The following MAGI2 variants were observed in gnomAD, a reference collection of about 807,000 sequenced individuals.
MAGI2 encodes the protein membrane associated guanylate kinase, WW and PDZ domain containing 2, also known as membrane-associated guanylate kinase, WW and PDZ domain-containing protein 2.
In MAGI2, 35 loss-of-function variants were observed where a neutral mutation model predicts 133.3. The observed-to-expected ratio is 0.26, with a 90% CI of 0.20 to 0.35. The LOEUF (loss-of-function observed/expected upper bound fraction) is 0.35. Ranked by LOEUF, MAGI2 falls within the 10% of genes least tolerant of loss-of-function variation. The probability of loss-of-function intolerance (pLI) is 1.00; values close to 1 mark genes in which losing one functional copy is unlikely to be tolerated. For missense variants in MAGI2, 1,636 were observed against 1,863.4 expected, an observed-to-expected ratio of 0.88 and a Z score of 2.25; for synonymous variants, 729 against 710.6, an observed-to-expected ratio of 1.03 and a Z score of -0.41.
At chr7:78,662,854 T>C (rs961986006) in intron 2 of MAGI2, among the ~76,000 whole-genome samples, 2 of 152,170 alleles carry the variant, frequency 1.3e-5, no homozygotes, top group Admixed American at 6.5e-5. Flanking sequence ...TCAATAAAGG[T>C]TTAATAATAA....
intron 9 of MAGI2, among the ~76,000 whole-genome samples, chr7:78,335,543 T>C (rs1789672673): frequency 6.6e-6 from 1 of 152,094 alleles, no homozygotes; most frequent in African/African-American, 2.4e-5. Flanking sequence ...AGCACCACAC[T>C]CTAGTAAAAT....
intron 20 of MAGI2, among the ~76,000 whole-genome samples, chr7:78,088,721 G>T (rs994197499): frequency 6.6e-6 from 1 of 152,136 alleles, no homozygotes; most frequent in African/African-American, 2.4e-5. Flanking sequence ...ACCAAGGCAG[G>T]AGCAAAGGGT....
chr7:79,239,049 G>C (rs1023579096), intron 1 of MAGI2, among the ~76,000 whole-genome samples: 1 of 152,064 alleles, frequency 6.6e-6, no homozygotes, highest in Admixed American at 6.5e-5. Flanking sequence ...TGTTCTAAGT[G>C]GGAGATACAA....
chr7:79,164,815 C>T (rs972449554), intron 1 of MAGI2, among the ~76,000 whole-genome samples: 6 of 152,016 alleles, frequency 3.9e-5, no homozygotes, highest in African/African-American at 7.2e-5. Flanking sequence ...ACCTGCACCC[C>T]GACCATCTTG....
chr7:78,107,761 G>A (rs953297905), intron 20 of MAGI2, among the ~76,000 whole-genome samples: 6 of 151,026 alleles, frequency 4.0e-5, no homozygotes, highest in African/African-American at 1.5e-4. Flanking sequence ...ATTTCTTCTT[G>A]GTTTTCCAGT....
intron 1 of MAGI2, among the ~76,000 whole-genome samples, chr7:79,199,883 C>A (rs1828434072): frequency 6.6e-6 from 1 of 151,848 alleles, no homozygotes; most frequent in African/African-American, 2.4e-5. Flanking sequence ...TCTGGGGTGA[C>A]TGTGTACATT....
At chr7:78,314,346 C>T (rs1787186301) in intron 9 of MAGI2, among the ~76,000 whole-genome samples, 1 of 151,992 alleles carries the variant, frequency 6.6e-6, no homozygotes, top group African/African-American at 2.4e-5. Flanking sequence ...CCTTACAGCT[C>T]TCTAAAAGAG....
chr7:79,079,392 C>T (rs533198951), intron 1 of MAGI2, among the ~76,000 whole-genome samples: 2 of 151,994 alleles, frequency 1.3e-5, no homozygotes, highest in Admixed American at 6.6e-5. Flanking sequence ...CACAAGTGGT[C>T]GATAAGGTGT....
chr7:78,600,930 G>A (rs1805133686), intron 3 of MAGI2, among the ~76,000 whole-genome samples: 1 of 152,124 alleles, frequency 6.6e-6, no homozygotes, highest in East Asian at 1.9e-4. Flanking sequence ...AGGAGAATGT[G>A]GGTTGGTGAC....
At chr7:79,124,231 T>C (rs570780912) in intron 1 of MAGI2, among the ~76,000 whole-genome samples, 1 of 152,292 alleles carries the variant, frequency 6.6e-6, no homozygotes, top group South Asian at 2.1e-4. Flanking sequence ...TAAAACACCA[T>C]TGTTTAGTGT....
intron 2 of MAGI2, among the ~76,000 whole-genome samples, chr7:78,918,651 T>A (rs761557223): frequency 2.6e-5 from 4 of 152,178 alleles, no homozygotes; most frequent in Non-Finnish European, 4.4e-5. Flanking sequence ...ATCAACTTTG[T>A]ATTACATTTT....
chr7:79,424,993 A>G (rs1470864236), intron 1 of MAGI2, among the ~76,000 whole-genome samples: 3 of 152,152 alleles, frequency 2.0e-5, no homozygotes, highest in East Asian at 1.9e-4. Context: ...GGATGTAAAC[A>G]TAAGTCTTGT....
Position 78,019,968 on chromosome 7 carries a change from C to A in MAGI2, c.3715G>T (p.Ala1239Ser). The change falls in exon 22 of 22, where the codon GCC becomes TCC. Residue 1239 changes from alanine to serine, a missense_variant. Physicochemically the swap from Ala to Ser is moderately conservative, Grantham distance 99. Around this residue, in one of 5 missense-constraint regions of MAGI2, gnomAD observed 354 missense variants for 298.7 expected, o/e 1.19. Transcript: ENST00000354212. ...GCGGCAGCGGGAGAACTCCAGGGGG[C>A]GGGTTCGTCTGTGGACGGGAAGCAC... The part of the protein sequence containing the change: ...TGQVPEYDEP[A>S]PWSSPAAAAP... 1 of 1,604,318 alleles carries A rather than the reference C, an allele frequency of 6.2e-7. No individual in the cohort carries two copies. Among genetic ancestry groups the A allele is most frequent in the Non-Finnish European group, 8.5e-7 (1 of 1,176,722 alleles).
intron 1 of MAGI2, among the ~76,000 whole-genome samples, chr7:79,229,701 G>A (rs1401440268): frequency 1.3e-5 from 2 of 151,984 alleles, no homozygotes; most frequent in South Asian, 2.1e-4. Flanking sequence ...AAATATGCTT[G>A]TCTGCAACTG....
intron 1 of MAGI2, among the ~76,000 whole-genome samples, chr7:79,177,708 ATTACT>A (rs1826223350): frequency 6.6e-6 from 1 of 152,226 alleles, no homozygotes; most frequent in East Asian, 1.9e-4. Context: ...ATTGTAGCAC[ATTACT>A]TTACATATGC....
intron 2 of MAGI2, among the ~76,000 whole-genome samples, chr7:78,976,581 T>C (rs1804273002): frequency 6.6e-6 from 1 of 151,238 alleles, no homozygotes; most frequent in Admixed American, 6.6e-5. Context: ...CTATTTAACA[T>C]CATACTGGAA....
At chr7:78,322,830 A>T (rs1201459463) in intron 9 of MAGI2, among the ~76,000 whole-genome samples, 1 of 152,128 alleles carries the variant, frequency 6.6e-6, no homozygotes, top group Non-Finnish European at 1.5e-5. Flanking sequence ...GAATATTAGT[A>T]ACTCAGAGTC....
chr7:78,208,618 T>C (rs1225088800), intron 10 of MAGI2, among the ~76,000 whole-genome samples: 2 of 151,494 alleles, frequency 1.3e-5, no homozygotes, highest in East Asian at 3.9e-4. Flanking sequence ...GCAAAGAAAA[T>C]GTGGAAGGCA....
intron 1 of MAGI2, among the ~76,000 whole-genome samples, chr7:79,391,983 T>G (rs1208455465): frequency 6.6e-6 from 1 of 152,080 alleles, no homozygotes; most frequent in East Asian, 1.9e-4. Flanking sequence ...CATTAGATAT[T>G]CGTCCTAATG....
Sources: allele counts gnomAD v4.1 joint callset (sites outside exome capture counted in the v4.1 genomes callset), GRCh38; gene constraint gnomAD v4.1.1; regional missense constraint gnomAD v4.1.1; transcripts MANE v1.5; gene names NCBI Gene and HGNC (gene_info 2026-07-23, HGNC 2026-07-21).